Variants in DIAPH2 observed in about 807,000 individuals in gnomAD.
DIAPH2 encodes the protein protein diaphanous homolog 2.
DIAPH2 carries 35 observed loss-of-function variants against 92.7 expected under a neutral mutation model. That is an observed-to-expected ratio of 0.38 (90% confidence interval 0.29 to 0.50). The LOEUF (loss-of-function observed/expected upper bound fraction) is 0.50, where lower values mean the gene tolerates loss of function less well. Among genes scored for constraint, DIAPH2 ranks in the 20% least tolerant of loss-of-function variants. DIAPH2 has a pLI of 0.94. For synonymous variants in DIAPH2, 301 were observed against 280.4 expected, an observed-to-expected ratio of 1.07 and a Z score of -0.73; for missense variants, 701 against 819.5, an observed-to-expected ratio of 0.86 and a Z score of 1.77.
chrX:97,494,860 A>G (rs750651763), intron 26 of DIAPH2, among the ~76,000 whole-genome samples: 4 of 112,568 alleles, frequency 3.6e-5, no homozygotes, highest in South Asian at 7.3e-4. Flanking sequence ...TTTCTCTCCT[A>G]TCACAGTGGA....
chrX:96,727,495 T>G (rs2064027089), intron 1 of DIAPH2, among the ~76,000 whole-genome samples: 1 of 111,854 alleles, frequency 8.9e-6, no homozygotes, highest in Admixed American at 9.5e-5. Flanking sequence ...TCAACTTCCC[T>G]GAAGTAAAAT....
intron 26 of DIAPH2, among the ~76,000 whole-genome samples, chrX:97,476,966 A>ATATATATAT (rs1429567227): frequency 1.5e-4 from 5 of 34,444 alleles, no homozygotes; most frequent in African/African-American, 3.3e-4. Context: ...AAAAAAAAAA[A>ATATATATAT]AAATATATAT....
At chrX:96,933,553 T>A (rs1443472781) in intron 10 of DIAPH2, among the ~76,000 whole-genome samples, 1 of 104,350 alleles carries the variant, frequency 9.6e-6, no homozygotes, top group Non-Finnish European at 1.9e-5. Context: ...TATATATATG[T>A]GTGTGTGTAT....
At chrX:97,162,158 A>G (rs890829671) in intron 22 of DIAPH2, among the ~76,000 whole-genome samples, 14 of 110,535 alleles carry the variant, frequency 1.3e-4, no homozygotes, top group African/African-American at 4.6e-4. Flanking sequence ...TTTTCTCCCC[A>G]CTAATTCTCT....
intron 4 of DIAPH2, among the ~76,000 whole-genome samples, chrX:96,871,802 GT>G (rs1190924778): frequency 8.9e-6 from 1 of 112,433 alleles, no homozygotes; most frequent in East Asian, 2.8e-4. Context: ...GATGTTCATA[GT>G]TTTATTCATA....
rs761048985 is a variant in DIAPH2, at chrX:97,509,459, G to C, written c.3241+79714G>C. Among the ~76,000 whole-genome samples, 188 of 66,118 alleles carry C rather than the reference G, an allele frequency of 2.8e-3. 2 individuals are homozygous for C. The highest frequency in any genetic ancestry group is 5.1e-3 in the Non-Finnish European group (175 of 34,289). The allele number at this position is 66,118 out of a possible 115,157, so 57.4% of individuals were successfully genotyped here. A position where few individuals can be genotyped will look rare whatever the true frequency, so the allele number is the denominator to read the frequency against. Reference sequence around the variant, plus strand: ...TTCTTTTTTTTTTTTTTTTAAATTGGCATTCATGTTGCTTTTTTTTTTTTT... The same window carrying C: ...TTCTTTTTTTTTTTTTTTTAAATTGCCATTCATGTTGCTTTTTTTTTTTTT... On this transcript the variant is annotated intron_variant, in intron 26 of 26. Coordinates refer to ENST00000324765, the MANE Select transcript of DIAPH2 (RefSeq NM_006729.5).
intron 23 of DIAPH2, among the ~76,000 whole-genome samples, chrX:97,345,227 C>A (rs2069146780): frequency 9.0e-6 from 1 of 111,386 alleles, no homozygotes. Context: ...TTTTTCGGGT[C>A]TATTGACACA....
intron 10 of DIAPH2, among the ~76,000 whole-genome samples, chrX:96,933,740 A>C (rs993790180): frequency 9.7e-6 from 1 of 103,582 alleles, no homozygotes; most frequent in East Asian, 3.0e-4. Context: ...AGTAGCTGGG[A>C]CTACAGGTGC....
intron 9 of DIAPH2, among the ~76,000 whole-genome samples, chrX:96,930,199 T>C (rs181702809): frequency 4.5e-5 from 5 of 111,194 alleles, no homozygotes; most frequent in Admixed American, 9.6e-5. Flanking sequence ...TTCATCTTAA[T>C]TATATATTTT....
rs1181565568 is a variant in DIAPH2, at chrX:97,412,922, A to G, written c.3146-16728A>G. On this transcript the variant is annotated intron_variant, in intron 25 of 26. Coordinates refer to ENST00000324765, the MANE Select transcript of DIAPH2 (RefSeq NM_006729.5). ...TTGAGGCAATAATTAATAGCCTACCAACAAAGAAAAAGTCCAGGACCAGAC... is the reference window on the plus strand; with the variant it reads ...TTGAGGCAATAATTAATAGCCTACCGACAAAGAAAAAGTCCAGGACCAGAC... 5.4e-5 allele frequency among the ~76,000 whole-genome samples: 6 copies of G among 112,019 alleles called. No homozygotes were observed. In the East Asian group the frequency reaches 1.7e-3, roughly 31 times the overall value.
At chrX:97,211,238 A>G (rs2067837048) in intron 22 of DIAPH2, among the ~76,000 whole-genome samples, 1 of 111,596 alleles carries the variant, frequency 9.0e-6, no homozygotes, top group Non-Finnish European at 1.9e-5. Flanking sequence ...TCTTCTTTTT[A>G]GTTATAAGAA....
rs778400838 is a variant in DIAPH2 at position 97,494,507 on chromosome X, G to A, written c.3241+64762G>A. ...CCATTTCTTTAGAGTTGTGTATTACGATTTAATTTGTTCCTTTAGTGTAAT... is the reference window on the plus strand; with the variant it reads ...CCATTTCTTTAGAGTTGTGTATTACAATTTAATTTGTTCCTTTAGTGTAAT... On this transcript the variant is annotated intron_variant, in intron 26 of 26. Transcript: ENST00000324765. Among the ~76,000 whole-genome samples, 24 of 111,376 alleles carry A rather than the reference G, an allele frequency of 2.2e-4. No individual in the cohort carries two copies. In the South Asian group the frequency reaches 5.6e-3, roughly 26 times the overall value.
chrX:96,816,074 C>G (rs987921275), intron 4 of DIAPH2, among the ~76,000 whole-genome samples: 2 of 112,175 alleles, frequency 1.8e-5, no homozygotes, highest in African/African-American at 6.5e-5. Context: ...TGGACTCATG[C>G]AGTATTTGTC....
intron 8 of DIAPH2, among the ~76,000 whole-genome samples, chrX:96,918,201 A>G (rs945870697): frequency 4.5e-5 from 5 of 111,151 alleles, no homozygotes; most frequent in Non-Finnish European, 7.6e-5. Flanking sequence ...GACTGTAGTT[A>G]ATAACAGTGT....
chrX:97,136,001 C>T (rs1477331518), intron 21 of DIAPH2, among the ~76,000 whole-genome samples: 2 of 111,689 alleles, frequency 1.8e-5, no homozygotes, highest in Non-Finnish European at 3.8e-5. Flanking sequence ...AAATCTTCAC[C>T]CATTTGTGCA....
At chrX:97,213,843 A>G (rs1211708783) in intron 22 of DIAPH2, among the ~76,000 whole-genome samples, 3 of 112,281 alleles carry the variant, frequency 2.7e-5, no homozygotes, top group Non-Finnish European at 3.8e-5. Context: ...TAAGGGAAAC[A>G]GAAATCTGAA....
intron 4 of DIAPH2, among the ~76,000 whole-genome samples, chrX:96,871,448 C>T (rs752147935): frequency 1.8e-4 from 14 of 78,469 alleles, no homozygotes; most frequent in South Asian, 7.8e-4. Flanking sequence ...CCAGCCTGGG[C>T]GACAGAGCGA....
At chrX:97,429,326 G>A (rs373433193) in intron 25 of DIAPH2, among the ~76,000 whole-genome samples, 54 of 111,501 alleles carry the variant, frequency 4.8e-4, no homozygotes, top group African/African-American at 1.7e-3. Flanking sequence ...TCTTGGTTAG[G>A]AATATCTTAT....
At chrX:96,769,096 AG>A (rs2064322058) in intron 4 of DIAPH2, among the ~76,000 whole-genome samples, 1 of 111,423 alleles carries the variant, frequency 9.0e-6, no homozygotes, top group African/African-American at 3.3e-5. Context: ...TGTGGTTAGT[AG>A]GAACTAAATG....
Sources: gnomAD v4.1 joint callset for allele counts (sites outside exome capture counted in the v4.1 genomes callset) on GRCh38, gnomAD v4.1.1 for gene constraint, MANE v1.5 for transcripts, NCBI Gene and HGNC (gene_info 2026-07-23, HGNC 2026-07-21) for gene names.